The following AHCYL2 variants were observed in gnomAD, a reference collection of about 807,000 sequenced individuals.
AHCYL2 encodes the protein S-adenosylhomocysteine hydrolase-like protein 2.
Under a neutral mutation model 81.4 loss-of-function variants are expected in AHCYL2, and 28 were observed. The ratio of observed to expected loss-of-function variants is 0.34; its 90% CI spans 0.25 to 0.47. The LOEUF is 0.47. Ranked by LOEUF, AHCYL2 falls within the 20% of genes least tolerant of loss-of-function variation. The pLI, the probability that AHCYL2 is intolerant of heterozygous loss-of-function variation, is 1.00. For missense variants in AHCYL2, 551 were observed against 785.1 expected (o/e 0.70, Z 3.56); for synonymous variants, 272 against 290.2 (o/e 0.94, Z 0.64).
In AHCYL2 at chr7:129,406,815, T is replaced by C. The variant is rs1273957263; in HGVS notation, c.1295+349T>C. Reference sequence around the variant, plus strand: ...TGATGTGTTACACTGAAAATAGCCCTTCTGTGGTATTCCTCCCAAAAATGT... The same window carrying C: ...TGATGTGTTACACTGAAAATAGCCCCTCTGTGGTATTCCTCCCAAAAATGT... On this transcript the variant is annotated intron_variant, in intron 10 of 16. Transcript: ENST00000325006. This position sits in a 1 kb window ranked among gnomAD's most constrained non-coding sequence, Gnocchi z 4.3. Among the ~76,000 whole-genome samples the C allele has an allele frequency of 1.3e-5, 2 of 152,190 alleles. No individual in the cohort carries two copies. The highest frequency in any genetic ancestry group is 2.4e-5 in the African/African-American group (1 of 41,446).
At chr7:129,350,852 C>T (rs978878006) in intron 1 of AHCYL2, among the ~76,000 whole-genome samples, 3 of 150,920 alleles carry the variant, frequency 2.0e-5, no homozygotes, top group South Asian at 2.1e-4. Context: ...TAGAGGCTCC[C>T]GCCATGATGC....
chr7:129,368,166 G>A lies in AHCYL2; in HGVS notation c.364-11472G>A. 3 of 1,103,720 alleles carry A rather than the reference G, an allele frequency of 2.7e-6. No homozygotes were observed. Among genetic ancestry groups the A allele is most frequent in the South Asian group, 7.2e-5 (2 of 27,594 alleles). 68.4% of individuals were successfully genotyped at this position (1,103,720 alleles called of 1,614,324 possible). A position where few individuals can be genotyped will look rare whatever the true frequency, so the allele number is the denominator to read the frequency against. On this transcript the variant is annotated intron_variant, in intron 1 of 16. Coordinates refer to ENST00000325006, the MANE Select transcript of AHCYL2 (RefSeq NM_015328.4). The surrounding 1 kb of genome is among the most constrained non-coding windows in gnomAD (Gnocchi z 4.4). ...ATTGCTGCAGAAAGTCCCCACTGGG[G>A]AGGTGCGGGTAGAGTGTTTGGGTAG...
In AHCYL2 at chr7:129,410,445, A is replaced by G; in HGVS notation, c.1366+899A>G. ...AGGATTATCCTCAGCGTCCAAACAGATCTTAAATGTGTACGTCATTCATTA... is the reference window on the plus strand; with the variant it reads ...AGGATTATCCTCAGCGTCCAAACAGGTCTTAAATGTGTACGTCATTCATTA... On this transcript the variant is annotated intron_variant, in intron 11 of 16. Coordinates refer to ENST00000325006, the MANE Select transcript of AHCYL2 (RefSeq NM_015328.4). The G allele has an allele frequency of 2.9e-6, 4 of 1,374,616 alleles. No homozygotes were observed. In the South Asian group the frequency reaches 3.5e-5, roughly 12 times the overall value. The allele number at this position is 1,374,616 out of a possible 1,614,324, so 85.2% of individuals were successfully genotyped here. A position where few individuals can be genotyped will look rare whatever the true frequency, so the allele number is the denominator to read the frequency against.
intron 1 of AHCYL2, among the ~76,000 whole-genome samples, chr7:129,344,694 G>A (rs978146252): frequency 6.6e-6 from 1 of 152,158 alleles, no homozygotes; most frequent in Non-Finnish European, 1.5e-5. Context: ...GCCCTAAGTT[G>A]GAAAAGAAGA....
At chr7:129,424,298 G>C (rs922873980) in intron 13 of AHCYL2, among the ~76,000 whole-genome samples, 2 of 152,020 alleles carry the variant, frequency 1.3e-5, no homozygotes, top group African/African-American at 4.8e-5. Flanking sequence ...TACTCTGGAG[G>C]CTGAGGCAGG....
At chr7:129,327,497 A>T (rs914949022) in intron 1 of AHCYL2, among the ~76,000 whole-genome samples, 1 of 152,132 alleles carries the variant, frequency 6.6e-6, no homozygotes, top group East Asian at 1.9e-4. Context: ...GACGGAGTCT[A>T]GCTCTGTCAC....
At chr7:129,348,029 G>A (rs989000485) in intron 1 of AHCYL2, among the ~76,000 whole-genome samples, 4 of 152,132 alleles carry the variant, frequency 2.6e-5, no homozygotes, top group African/African-American at 9.7e-5. Flanking sequence ...CATATGTCTG[G>A]ATTAAAGATA....
chr7:129,274,503 G>A (rs1024639948), intron 1 of AHCYL2, among the ~76,000 whole-genome samples: 4 of 152,136 alleles, frequency 2.6e-5, no homozygotes, highest in East Asian at 1.9e-4. Context: ...CAAAGTGGCC[G>A]CCACCAATTT....
intron 12 of AHCYL2, among the ~76,000 whole-genome samples, chr7:129,417,352 A>G (rs764893240): frequency 1.3e-5 from 2 of 152,232 alleles, no homozygotes; most frequent in Non-Finnish European, 2.9e-5. Flanking sequence ...GAGGGGTAAC[A>G]GGCCAGATCT....
chr7:129,375,119 C>T (rs978364243), intron 1 of AHCYL2, among the ~76,000 whole-genome samples: 6 of 152,142 alleles, frequency 3.9e-5, no homozygotes. Flanking sequence ...AAAAAGCAAA[C>T]TGGGTCACTC....
At chr7:129,271,221 C>T (rs1237760113) in intron 1 of AHCYL2, among the ~76,000 whole-genome samples, 6 of 151,872 alleles carry the variant, frequency 4.0e-5, no homozygotes, top group East Asian at 1.9e-4. Flanking sequence ...ATTAGCTGGG[C>T]GTGGTGGCAG....
intron 13 of AHCYL2, among the ~76,000 whole-genome samples, chr7:129,423,967 A>G (rs1449072313): frequency 6.6e-6 from 1 of 152,108 alleles, no homozygotes; most frequent in Non-Finnish European, 1.5e-5. Context: ...TAGCTGCCCT[A>G]GGAGGTCCCA....
chr7:129,405,864 G>A lies in AHCYL2; in HGVS notation c.1171G>A (p.Gly391Ser). ...TAAAAGGACAACAGACATGATGTTT[G>A]GTGGAAAGCAAGTGGTAGTCTGTGG... ...GLKRTTDMMFGGKQVVVCGYG... is the reference protein window; with the variant it reads ...GLKRTTDMMFSGKQVVVCGYG... Residue 391 changes from glycine to serine, a missense_variant, in exon 9 of 17, where the codon GGT becomes AGT. Physicochemically the swap from Gly to Ser is moderately conservative, Grantham distance 56 (BLOSUM62 0). Coordinates refer to ENST00000325006, the MANE Select transcript of AHCYL2 (RefSeq NM_015328.4). The A allele has an allele frequency of 6.2e-7, 1 of 1,613,436 alleles. No homozygotes were observed. The highest frequency in any genetic ancestry group is 8.5e-7 in the Non-Finnish European group (1 of 1,179,662).
chr7:129,375,988 AC>A, intron 1 of AHCYL2: 1 of 1,526,644 alleles, frequency 6.6e-7, no homozygotes. Context: ...TAAAAGGCCG[AC>A]TGCTTATACT....
rs34422629 is a variant in AHCYL2 at position 129,281,489 on chromosome 7, ATTTTTTT to A, written c.363+56069_363+56075del. Among the ~76,000 whole-genome samples, 144 of 74,176 alleles carry A rather than the reference ATTTTTTT, an allele frequency of 1.9e-3. 2 individuals are homozygous for A. The highest frequency in any genetic ancestry group is 3.8e-4 in the Non-Finnish European group (15 of 39,634). 48.7% of individuals were successfully genotyped at this position (74,176 alleles called of 152,430 possible). On this transcript the variant is annotated intron_variant, in intron 1 of 16. Transcript: ENST00000325006. Reference sequence around the variant, plus strand: ...ATTTTATTAGTTCTTCTGTTTCTAGATTTTTTTTTTTTTTTTTTTTTTTTTGAGACAG... The same window carrying A: ...ATTTTATTAGTTCTTCTGTTTCTAGATTTTTTTTTTTTTTTTTTGAGACAG...
intron 1 of AHCYL2, among the ~76,000 whole-genome samples, chr7:129,243,018 CTT>C (rs769701638): frequency 3.2e-5 from 4 of 125,584 alleles, no homozygotes; most frequent in East Asian, 4.4e-4. Flanking sequence ...TATTGTTTCT[CTT>C]TTTTTTTTTT....
At chr7:129,311,424 C>A (rs1241065060) in intron 1 of AHCYL2, among the ~76,000 whole-genome samples, 1 of 152,206 alleles carries the variant, frequency 6.6e-6, no homozygotes, top group Non-Finnish European at 1.5e-5. Flanking sequence ...TAAATGCTGA[C>A]AAGTCCCAAA....
chr7:129,415,536 G>A (rs1037121288), intron 12 of AHCYL2, among the ~76,000 whole-genome samples: 1 of 152,018 alleles, frequency 6.6e-6, no homozygotes, highest in Non-Finnish European at 1.5e-5. Context: ...TGAAACTGGT[G>A]CACAGGCCAG....
At chr7:129,413,508 A>C (rs1225244954) in intron 11 of AHCYL2, 86 bp from the exon 12 acceptor site, 41 of 1,054,154 alleles carry the variant, frequency 3.9e-5, no homozygotes, top group Non-Finnish European at 5.9e-5. Flanking sequence ...CAAGTCCCTC[A>C]TCAGTTATAT....
Sources: allele counts gnomAD v4.1 joint callset (sites outside exome capture counted in the v4.1 genomes callset), GRCh38; gene constraint gnomAD v4.1.1; non-coding constraint Gnocchi (gnomAD v3.1); transcripts MANE v1.5; gene names NCBI Gene and HGNC (gene_info 2026-07-23, HGNC 2026-07-21).